The following MACF1 variants were observed in gnomAD, a reference collection of about 807,000 sequenced individuals.
MACF1 encodes the protein microtubule actin crosslinking factor 1.
A neutral mutation model predicts 854.8 loss-of-function variants in MACF1; 193 were observed. The observed-to-expected ratio is 0.23, with a 90% confidence interval of 0.20 to 0.25. The LOEUF is 0.25. MACF1 is among the 10% of genes least tolerant of loss of function. MACF1 has a pLI of 1.00. For synonymous variants in MACF1, 3,185 were observed against 3,226.7 expected, an observed-to-expected ratio of 0.99 and a Z score of 0.44; for missense variants, 7,722 against 8,929.1, an observed-to-expected ratio of 0.86 and a Z score of 5.45.
At chr1:39,207,941 C>T (rs1644471215) in intron 1 of MACF1, among the ~76,000 whole-genome samples, 1 of 151,712 alleles carries the variant, frequency 6.6e-6, no homozygotes, top group Admixed American at 6.6e-5. Flanking sequence ...CGAGACCAGC[C>T]TGGTCAACAT....
intron 79 of MACF1, 23 bp downstream of exon 79, chr1:39,443,597 G>T (rs200370737): frequency 6.3e-7 from 1 of 1,581,658 alleles, no homozygotes; most frequent in South Asian, 1.2e-5. Context: ...TTTTGAAATT[G>T]AGCATAAGCA....
chr1:39,355,133 T>C (rs989987609), intron 44 of MACF1, among the ~76,000 whole-genome samples: 1 of 152,232 alleles, frequency 6.6e-6, no homozygotes, highest in Non-Finnish European at 1.5e-5. Context: ...TGTCATATTT[T>C]ATATTAATAG....
At chr1:39,413,191 A>T (rs550484193) in intron 58 of MACF1, 5 of 1,613,384 alleles carry the variant, frequency 3.1e-6, no homozygotes, top group Non-Finnish European at 4.2e-6. Context: ...AGGGCCTGTC[A>T]CCCCAGCTAC....
At chr1:39,412,348 A>T (rs772096438) in intron 58 of MACF1, 2 of 1,614,062 alleles carry the variant, frequency 1.2e-6, no homozygotes, top group Admixed American at 3.3e-5. Flanking sequence ...TAATCAAGAA[A>T]ATAACAGTCT....
chr1:39,485,466 T>C, intron 100 of MACF1, 72 bp from the exon 101 acceptor site: 1 of 1,452,106 alleles, frequency 6.9e-7, no homozygotes, highest in Non-Finnish European at 9.2e-7. Flanking sequence ...ATCAGAACCC[T>C]AGCTTCTGCT....
rs377031601 is a variant in MACF1 at position 39,442,238 on chromosome 1, C to T, written c.18866C>T (p.Thr6289Met). The change falls in exon 76 of 101, where the codon ACG becomes ATG. Residue 6289 changes from threonine to methionine, a missense_variant. Coordinates refer to ENST00000564288, the MANE Select transcript of MACF1 (RefSeq NM_001394062.1). The stretch of plus-strand genomic sequence containing the variant: ...ATGTTAAAGAAAGCTACTGATGAGA[C>T]GGACAGAGACATTATACGAGAACCA... ...ELMLKKATDETDRDIIREPLT... is the reference protein window; with the variant it reads ...ELMLKKATDEMDRDIIREPLT... The T allele has an allele frequency of 2.8e-5, 45 of 1,609,812 alleles. No individual in the cohort carries two copies. The highest frequency in any genetic ancestry group is 3.4e-5 in the Non-Finnish European group (40 of 1,178,818).
intron 65 of MACF1, 42 bp downstream of exon 65, chr1:39,430,110 C>G (rs895516779): frequency 6.3e-7 from 1 of 1,578,814 alleles, no homozygotes; most frequent in South Asian, 1.2e-5. Flanking sequence ...AAGGCTTCCT[C>G]TTTGTCAGAA....
At chr1:39,124,107 A>G (rs1173595446) in intron 2 of MACF1, among the ~76,000 whole-genome samples, 4 of 150,544 alleles carry the variant, frequency 2.7e-5, no homozygotes, top group African/African-American at 9.8e-5. Flanking sequence ...GCTGGTCTCA[A>G]GCTCCTGAGC....
intron 31 of MACF1, 110 bp from the exon 32 acceptor site, chr1:39,322,498 G>A: frequency 1.2e-6 from 1 of 864,874 alleles, no homozygotes; most frequent in South Asian, 1.5e-5. Context: ...CTAACCTCCA[G>A]CATGAGTGGT....
At chr1:39,090,628 T>A (rs978420946) in intron 2 of MACF1, among the ~76,000 whole-genome samples, 1 of 152,252 alleles carries the variant, frequency 6.6e-6, no homozygotes, top group Admixed American at 6.5e-5. Context: ...GAGAAAGGTA[T>A]GGAATGGCAG....
Position 39,430,751 on chromosome 1 carries a change from A to G in MACF1, c.17180A>G (p.Asn5727Ser). 1 of 1,612,224 alleles carries G rather than the reference A, an allele frequency of 6.2e-7. No individual in the cohort carries two copies. Among genetic ancestry groups the G allele is most frequent in the South Asian group, 1.1e-5 (1 of 90,996 alleles). The change falls in exon 66 of 101, where the codon AAT becomes AGT. Residue 5727 changes from asparagine to serine, a missense_variant. Asn to Ser is a conservative substitution (Grantham distance 46). Transcript: ENST00000564288. Reference sequence around the variant, plus strand: ...CACAGGCTGGTGTTGGACACAGTGAATGAGGTGAGCCGTGCTCTCTTAGAG... The same window carrying G: ...CACAGGCTGGTGTTGGACACAGTGAGTGAGGTGAGCCGTGCTCTCTTAGAG... ...MEHRLVLDTV[N>S]EVSRALLELV...
chr1:39,421,968 A>C (rs1246941884), intron 58 of MACF1, among the ~76,000 whole-genome samples: 1 of 152,102 alleles, frequency 6.6e-6, no homozygotes, highest in Non-Finnish European at 1.5e-5. Context: ...CCAGCTGCTC[A>C]GAAGACTGAG....
At chr1:39,410,357 G>A (rs1642932931) in intron 58 of MACF1, 1 of 1,613,662 alleles carries the variant, frequency 6.2e-7, no homozygotes, top group African/African-American at 1.3e-5. Context: ...ATAGAGGACT[G>A]CTATGTTCCA....
At chr1:39,369,125 A>G (rs914960204) in intron 50 of MACF1, among the ~76,000 whole-genome samples, 6 of 151,538 alleles carry the variant, frequency 4.0e-5, no homozygotes, top group African/African-American at 1.2e-4. Flanking sequence ...GGTGTGAACC[A>G]CTATGCCCAG....
intron 2 of MACF1, among the ~76,000 whole-genome samples, chr1:39,167,473 G>A (rs999996617): frequency 3.3e-5 from 5 of 151,806 alleles, no homozygotes; most frequent in East Asian, 2.0e-4. Flanking sequence ...TTGGGAGGCC[G>A]AGGTGAGCGG....
In MACF1 at chr1:39,432,569, T is replaced by C; in HGVS notation, c.17372T>C (p.Val5791Ala). The change falls in exon 67 of 101, where the codon GTT (valine) becomes GCT (alanine). Residue 5791 changes from valine to alanine, a missense_variant. Coordinates refer to ENST00000564288, the MANE Select transcript of MACF1 (RefSeq NM_001394062.1). The stretch of plus-strand genomic sequence containing the variant: ...GCTGCCGATGCAGAACTAGCTTGGG[T>C]TGCTGAAACAAAACGGAAACTGATG... ...EQAADAELAW[V>A]AETKRKLMAL... is the part of the protein sequence containing the mutation. 1 of 1,614,062 alleles carries C rather than the reference T, an allele frequency of 6.2e-7. No homozygotes were observed. The highest frequency in any genetic ancestry group is 8.5e-7 in the Non-Finnish European group (1 of 1,179,968).
chr1:39,274,318 A>C (rs1464160762), intron 6 of MACF1, among the ~76,000 whole-genome samples: 1 of 152,212 alleles, frequency 6.6e-6, no homozygotes, highest in Non-Finnish European at 1.5e-5. Flanking sequence ...AATACTGGTA[A>C]AATTATGATA....
At chr1:39,378,600 C>T (rs1557619331) in intron 53 of MACF1, 77 bp downstream of exon 53, 2 of 1,377,650 alleles carry the variant, frequency 1.5e-6, no homozygotes, top group Non-Finnish European at 2.1e-6. Context: ...GTGTATGTTG[C>T]AATATGTGGT....
rs186053325 is a variant in MACF1 at position 39,380,142 on chromosome 1, A to G, written c.13519-102A>G. ...AACAAGTCATTGATAGGATCCTAGT[A>G]GAGTCTATAATAACTGCCCAGTTTT... is the stretch of plus-strand genomic sequence containing the variant. On this transcript the variant is annotated intron_variant, in intron 54 of 100. Transcript: ENST00000564288. The G allele has an allele frequency of 3.9e-5, 44 of 1,139,540 alleles. No individual in the cohort carries two copies. In the African/African-American group the frequency reaches 5.8e-4, roughly 15 times the overall value. The allele number at this position is 1,139,540 out of a possible 1,614,324, so 70.6% of individuals were successfully genotyped here.
Sources: gnomAD v4.1 joint callset for allele counts (sites outside exome capture counted in the v4.1 genomes callset) on GRCh38, gnomAD v4.1.1 for gene constraint, MANE v1.5 for transcripts, NCBI Gene and HGNC (gene_info 2026-07-23, HGNC 2026-07-21) for gene names.